FTCDNL1: variants seen among roughly 807,000 people sequenced by gnomAD.
The protein encoded by FTCDNL1 is formiminotransferase cyclodeaminase N-terminal like, also known as formiminotransferase N-terminal subdomain-containing protein.
A neutral mutation model predicts 5.9 loss-of-function variants in FTCDNL1; 11 were observed. The ratio of observed to expected loss-of-function variants is 1.87; its 90% CI spans 1.18 to 3.10. The LOEUF is 3.10. FTCDNL1 is among the 30% of genes most tolerant of loss of function. The pLI, the probability that FTCDNL1 is intolerant of heterozygous loss-of-function variation, is 0.00. For missense variants in FTCDNL1, 115 were observed against 65.5 expected, an observed-to-expected ratio of 1.76 and a Z score of -2.61; for synonymous variants, 58 against 24.8, an observed-to-expected ratio of 2.34 and a Z score of -3.99.
chr2:199,838,981 C>G (rs1670027352), intron 3 of FTCDNL1, among the ~76,000 whole-genome samples: 1 of 152,076 alleles, frequency 6.6e-6, no homozygotes, highest in Non-Finnish European at 1.5e-5. Flanking sequence ...GGAACCTGAA[C>G]AGCTCAAGAG....
chr2:199,779,453 TG>T (rs1254824460), intron 3 of FTCDNL1, among the ~76,000 whole-genome samples: 1 of 152,096 alleles, frequency 6.6e-6, no homozygotes, highest in African/African-American at 2.4e-5. Context: ...GAAAGCAAAA[TG>T]GAAGACTGAA....
chr2:199,757,411 C>A (rs536266863), downstream of FTCDNL1, among the ~76,000 whole-genome samples: 11 of 152,236 alleles, frequency 7.2e-5, no homozygotes, highest in East Asian at 9.7e-4. Context: ...CAGCTCCAGG[C>A]GGTTCCAGCT....
rs189852103 is a variant in FTCDNL1, at chr2:199,839,945, C to G, written c.211+6130G>C. ...TAAAGGATGTGTTCCACCAAAACGA[C>G]ACCATAAACCAAGAAAGTCAAAAAA... On this transcript the variant is annotated intron_variant, in intron 3 of 4. Coordinates refer to ENST00000420128, the MANE Select transcript of FTCDNL1 (RefSeq NM_001363886.2). Among the ~76,000 whole-genome samples, 4 of 152,172 alleles carry G rather than the reference C, an allele frequency of 2.6e-5. No individual in the cohort carries two copies. The East Asian group carries it at 7.7e-4, about 29-fold the overall frequency.
chr2:199,694,413 G>A, the FTCDNL1 span, among the ~76,000 whole-genome samples: 1 of 152,326 alleles, frequency 6.6e-6, no homozygotes, highest in East Asian at 1.9e-4. Flanking sequence ...GTTTCAAGTG[G>A]ATGAATACTT....
intron 3 of FTCDNL1, among the ~76,000 whole-genome samples, chr2:199,838,503 C>A (rs111865269): frequency 6.6e-6 from 1 of 152,306 alleles, no homozygotes; most frequent in South Asian, 2.1e-4. Flanking sequence ...AGGAGGCAAT[C>A]GCACTGGAAG....
chr2:199,796,174 A>G (rs1700161510), intron 3 of FTCDNL1, among the ~76,000 whole-genome samples: 1 of 152,206 alleles, frequency 6.6e-6, no homozygotes, highest in African/African-American at 2.4e-5. Context: ...AATTAAAAAC[A>G]AGGTTTTACT....
downstream of FTCDNL1, among the ~76,000 whole-genome samples, chr2:199,759,589 CA>C (rs1253703668): frequency 6.6e-6 from 1 of 152,062 alleles, no homozygotes; most frequent in Non-Finnish European, 1.5e-5. Context: ...CTAACCAAAG[CA>C]ATAAACAGAA....
the FTCDNL1 span, among the ~76,000 whole-genome samples, chr2:199,684,555 C>A: frequency 6.6e-6 from 1 of 152,168 alleles, no homozygotes; most frequent in African/African-American, 2.4e-5. Context: ...ATAAGACATA[C>A]AACTGTATGG....
chr2:199,769,859 A>G (rs1698725002), intron 3 of FTCDNL1, among the ~76,000 whole-genome samples: 1 of 152,090 alleles, frequency 6.6e-6, no homozygotes, highest in African/African-American at 2.4e-5. Context: ...CTCAGTACCC[A>G]GTTTGATTGA....
the FTCDNL1 span, among the ~76,000 whole-genome samples, chr2:199,732,640 CA>C: frequency 1.3e-5 from 2 of 151,844 alleles, no homozygotes; most frequent in African/African-American, 4.8e-5. Context: ...AAAAAAGTTT[CA>C]GAATAAAAGT....
chr2:199,718,493 T>C, the FTCDNL1 span, among the ~76,000 whole-genome samples: 3 of 152,220 alleles, frequency 2.0e-5, no homozygotes, highest in Non-Finnish European at 2.9e-5. Flanking sequence ...CTCTTGTAAA[T>C]AGTGATGCAA....
the FTCDNL1 span, among the ~76,000 whole-genome samples, chr2:199,698,587 A>C: frequency 1.3e-5 from 2 of 152,232 alleles, no homozygotes; most frequent in Non-Finnish European, 2.9e-5. Flanking sequence ...GTAAAAACAA[A>C]GATGCAACAT....
Position 199,812,665 on chromosome 2 carries a change from A to G in FTCDNL1, c.*40T>C. ...CTCTGGTGGCAGCACGGATCCCCTC[A>G]CTGCAAGGCTGAAATTCCAATTTTC... On this transcript the variant is annotated 3_prime_UTR_variant, in exon 5 of 5. Coordinates refer to ENST00000420128, the MANE Select transcript of FTCDNL1 (RefSeq NM_001363886.2). The G allele has an allele frequency of 1.4e-6, 1 of 695,060 alleles. No individual in the cohort carries two copies. Among genetic ancestry groups the G allele is most frequent in the Non-Finnish European group, 2.6e-6 (1 of 381,934 alleles). The allele number at this position is 695,060 out of a possible 1,614,324, so 43.1% of individuals were successfully genotyped here.
the FTCDNL1 span, among the ~76,000 whole-genome samples, chr2:199,727,716 T>A: frequency 2.0e-5 from 3 of 152,156 alleles, no homozygotes; most frequent in Non-Finnish European, 4.4e-5. Flanking sequence ...CCATCTCAGA[T>A]CCTTCCCATC....
At chr2:199,746,114 A>T in the FTCDNL1 span, among the ~76,000 whole-genome samples, 1 of 152,178 alleles carries the variant, frequency 6.6e-6, no homozygotes, top group African/African-American at 2.4e-5. Context: ...TTTTTACTCT[A>T]CCAAAATCAG....
the FTCDNL1 span, among the ~76,000 whole-genome samples, chr2:199,738,461 G>C: frequency 2.6e-5 from 4 of 152,074 alleles, no homozygotes; most frequent in Non-Finnish European, 5.9e-5. Flanking sequence ...TACAAGCAAG[G>C]GTGAAATTAC....
chr2:199,846,575 T>C (rs1417061599), intron 2 of FTCDNL1, among the ~76,000 whole-genome samples: 1 of 152,192 alleles, frequency 6.6e-6, no homozygotes, highest in Non-Finnish European at 1.5e-5. Flanking sequence ...AACTAAACTG[T>C]TTGGGTCAAG....
chr2:199,703,087 G>C, the FTCDNL1 span, among the ~76,000 whole-genome samples: 1 of 151,560 alleles, frequency 6.6e-6, no homozygotes, highest in Non-Finnish European at 1.5e-5. Flanking sequence ...TAAGTTTTAG[G>C]GTACACGTGC....
intron 3 of FTCDNL1, among the ~76,000 whole-genome samples, chr2:199,788,747 C>T (rs1388816039): frequency 4.6e-5 from 7 of 151,648 alleles, no homozygotes; most frequent in Non-Finnish European, 4.4e-5. Context: ...ACAAACAGTT[C>T]CTCCTTTGAA....
Sources: allele counts gnomAD v4.1 joint callset (sites outside exome capture counted in the v4.1 genomes callset), GRCh38; gene constraint gnomAD v4.1.1; transcripts MANE v1.5; gene names NCBI Gene and HGNC (gene_info 2026-07-23, HGNC 2026-07-21).